Variants in SUCLG1 observed in about 807,000 individuals in gnomAD.
SUCLG1 encodes the protein succinate--CoA ligase [ADP/GDP-forming] subunit alpha, mitochondrial.
SUCLG1 carries 26 observed loss-of-function variants against 37.3 expected under a neutral mutation model. The observed-to-expected ratio is 0.70, with a 90% confidence interval of 0.51 to 0.97. SUCLG1 has a LOEUF of 0.97. Ranked by LOEUF, SUCLG1 falls within the 50% of genes least tolerant of loss-of-function variation. The pLI, the probability that SUCLG1 is intolerant of heterozygous loss-of-function variation, is 0.00. For missense variants in SUCLG1, 433 were observed against 432.9 expected, an observed-to-expected ratio of 1.00 and a Z score of 0.00; for synonymous variants, 163 against 155.6, an observed-to-expected ratio of 1.05 and a Z score of -0.36.
At chr2:84,429,631 T>A (rs1254965662) in intron 7 of SUCLG1, among the ~76,000 whole-genome samples, 2 of 152,034 alleles carry the variant, frequency 1.3e-5, no homozygotes, top group Non-Finnish European at 2.9e-5. Context: ...AACTGGCATG[T>A]CAGATGGAAA....
intron 5 of SUCLG1, among the ~76,000 whole-genome samples, chr2:84,434,564 A>C (rs1672657114): frequency 6.6e-6 from 1 of 152,158 alleles, no homozygotes; most frequent in Non-Finnish European, 1.5e-5. Flanking sequence ...ATTCAAAGCC[A>C]CAATCTATGT....
At chr2:84,443,852 T>G (rs1053890089) in intron 2 of SUCLG1, among the ~76,000 whole-genome samples, 7 of 152,068 alleles carry the variant, frequency 4.6e-5, no homozygotes, top group Non-Finnish European at 1.0e-4. Flanking sequence ...CAAAAAAACA[T>G]GTCAACTGGT....
At position 84,425,603 on chromosome 2, in the gene SUCLG1, C is replaced by T. The variant is rs369848050; in HGVS notation, c.826G>A (p.Gly276Ser). The change falls in exon 8 of 9, where the codon GGT becomes AGT. Residue 276 changes from glycine (G) to serine (S), a missense_variant and splice_region_variant. Coordinates refer to ENST00000393868, the MANE Select transcript of SUCLG1 (RefSeq NM_003849.4). ...AAEFLKQHNS[G>S]PNSKPVVSFI... ...GACACTACAGGCTTGGAATTTGGAC[C>T]CTAGAAAGAAAGTAATATTTTAAAT... 1.2e-6 allele frequency: 2 copies of T among 1,613,976 alleles called. No homozygotes were observed. The highest frequency in any genetic ancestry group is 8.5e-7 in the Non-Finnish European group (1 of 1,180,030).
At chr2:84,456,130 A>G (rs1182634940) in intron 1 of SUCLG1, among the ~76,000 whole-genome samples, 1 of 152,198 alleles carries the variant, frequency 6.6e-6, no homozygotes, top group African/African-American at 2.4e-5. Context: ...CTTTAAATGC[A>G]TCTCTGATTC....
intron 2 of SUCLG1, among the ~76,000 whole-genome samples, chr2:84,447,831 G>A (rs1558613639): frequency 6.6e-6 from 1 of 152,098 alleles, no homozygotes; most frequent in Non-Finnish European, 1.5e-5. Flanking sequence ...CTGGACTCAA[G>A]TGATCCTTCC....
In SUCLG1 at chr2:84,425,470, C is replaced by T. The variant is rs146834097; in HGVS notation, c.959G>A (p.Ser320Asn). The T allele has an allele frequency of 1.2e-4, 186 of 1,614,092 alleles. No individual in the cohort carries two copies. The highest frequency in any genetic ancestry group is 1.5e-4 in the Non-Finnish European group (178 of 1,180,052). ...GAKEKISALQSAGVVVSMSPA... is the reference protein window; with the variant it reads ...GAKEKISALQNAGVVVSMSPA... ...AGACATACTGACCACAACTCCTGCACTCTGAAGGGCAGAGATCTTCTCTTT... is the reference window on the plus strand; with the variant it reads ...AGACATACTGACCACAACTCCTGCATTCTGAAGGGCAGAGATCTTCTCTTT... The change falls in exon 8 of 9, where the codon AGT becomes AAT. Residue 320 changes from serine to asparagine, a missense_variant. Transcript: ENST00000393868.
intron 7 of SUCLG1, among the ~76,000 whole-genome samples, chr2:84,427,834 A>ACT (rs1207114393): frequency 3.9e-5 from 6 of 152,210 alleles, no homozygotes; most frequent in African/African-American, 1.4e-4. Flanking sequence ...TTCCCATTTT[A>ACT]TCACAAAATA....
chr2:84,459,212 C>A lies in SUCLG1; in HGVS notation c.58G>T (p.Gly20Cys). The change falls in exon 1 of 9, where the codon GGC becomes TGC. Residue 20 changes from glycine to cysteine, a missense_variant. By Grantham distance (159) the Gly-to-Cys change is radical (BLOSUM62 -3). Coordinates refer to ENST00000393868, the MANE Select transcript of SUCLG1 (RefSeq NM_003849.4). ...GACAGGAGACGGGCGGCGGCGAGGC[C>A]GCTGCTGCCGGAGACCATGGTAGCG... ...DIATMVSGSSGLAAARLLSRS... is the reference protein window; with the variant it reads ...DIATMVSGSSCLAAARLLSRS... 1 of 1,550,160 alleles carries A rather than the reference C, an allele frequency of 6.5e-7. No homozygotes were observed. Among genetic ancestry groups the A allele is most frequent in the Non-Finnish European group, 8.7e-7 (1 of 1,146,696 alleles).
At chr2:84,430,681 A>C (rs1672601141) in intron 7 of SUCLG1, among the ~76,000 whole-genome samples, 1 of 152,100 alleles carries the variant, frequency 6.6e-6, no homozygotes, top group Admixed American at 6.5e-5. Flanking sequence ...TTTTTCATAC[A>C]TATAGAGAGA....
chr2:84,440,985 G>T lies in SUCLG1; in HGVS notation c.589+62C>A, dbSNP rs1039200437. The T allele has an allele frequency of 3.9e-6, 6 of 1,538,542 alleles. No homozygotes were observed. The Admixed American group carries it at 8.4e-5, about 22-fold the overall frequency. On this transcript the variant is annotated intron_variant, in intron 5 of 8. Transcript: ENST00000393868. ...ATTTGCAAAGTCAAAAATTCTTTGT[G>T]AGTTTTGAGGGTTTAAGGCAAATAA...
intron 2 of SUCLG1, among the ~76,000 whole-genome samples, chr2:84,448,089 A>ATTT (rs58974873): frequency 7.0e-6 from 1 of 142,872 alleles, no homozygotes; most frequent in African/African-American, 2.6e-5. Flanking sequence ...TTGATATTGG[A>ATTT]TTTTTTTTTT....
intron 5 of SUCLG1, among the ~76,000 whole-genome samples, chr2:84,436,948 ACCACC>A (rs1428479335): frequency 6.6e-6 from 1 of 152,196 alleles, no homozygotes; most frequent in Non-Finnish European, 1.5e-5. Flanking sequence ...ATGGAGTAAG[ACCACC>A]CTCTTAAGTG....
At chr2:84,426,026 G>T (rs1227995241) in intron 7 of SUCLG1, 1 of 264,666 alleles carries the variant, frequency 3.8e-6, no homozygotes, top group Non-Finnish European at 7.3e-6. Flanking sequence ...AGAAAAAGAT[G>T]AGGTGGGAAG....
intron 5 of SUCLG1, among the ~76,000 whole-genome samples, chr2:84,435,343 T>C (rs1672672343): frequency 6.6e-6 from 1 of 152,206 alleles, no homozygotes; most frequent in African/African-American, 2.4e-5. Flanking sequence ...GCTTTCATAT[T>C]TCCTACTGCC....
chr2:84,456,702 T>C (rs1381643703), intron 1 of SUCLG1, among the ~76,000 whole-genome samples: 1 of 152,148 alleles, frequency 6.6e-6, no homozygotes, highest in African/African-American at 2.4e-5. Flanking sequence ...CTCACTCTGT[T>C]GCCCAGGCTG....
intron 1 of SUCLG1, among the ~76,000 whole-genome samples, chr2:84,451,553 A>G (rs1167299409): frequency 2.0e-5 from 3 of 152,214 alleles, no homozygotes; most frequent in Non-Finnish European, 2.9e-5. Flanking sequence ...TAACAGACCA[A>G]CGAAGATCTC....
At chr2:84,449,147 T>G (rs1206220683) in intron 2 of SUCLG1, among the ~76,000 whole-genome samples, 2 of 152,168 alleles carry the variant, frequency 1.3e-5, no homozygotes, top group Non-Finnish European at 2.9e-5. Flanking sequence ...CAGGCCATCA[T>G]CCCAGAGAAA....
At position 84,423,727 on chromosome 2, in the gene SUCLG1, T is replaced by G; in HGVS notation, c.*19A>C. The stretch of plus-strand genomic sequence containing the variant: ...GTCTACGTGATCCATTCCACAGTTT[T>G]AGGAATTTTTTTTTTCTTTCATAGC... On this transcript the variant is annotated 3_prime_UTR_variant, in exon 9 of 9. Transcript: ENST00000393868. The G allele has an allele frequency of 1.9e-6, 3 of 1,596,832 alleles. No individual in the cohort carries two copies. The highest frequency in any genetic ancestry group is 2.6e-6 in the Non-Finnish European group (3 of 1,168,572).
At chr2:84,431,698 G>C (rs776153953) in intron 6 of SUCLG1, 39 bp from the exon 7 acceptor site, 1 of 1,610,518 alleles carries the variant, frequency 6.2e-7, no homozygotes, top group East Asian at 2.2e-5. Context: ...GGAAATTTAA[G>C]GGTGAACCAT....
Sources: allele counts gnomAD v4.1 joint callset (sites outside exome capture counted in the v4.1 genomes callset), GRCh38; gene constraint gnomAD v4.1.1; transcripts MANE v1.5; gene names NCBI Gene and HGNC (gene_info 2026-07-23, HGNC 2026-07-21).